CLCN4: variants seen among roughly 807,000 people sequenced by gnomAD.
CLCN4 encodes Cl-/H+ antiporter 4, also known as H(+)/Cl(-) exchange transporter 4.
CLCN4 carries 1 observed loss-of-function variant against 41.7 expected under a neutral mutation model. The ratio of observed to expected loss-of-function variants is 0.02; its 90% confidence interval spans 0.01 to 0.11. The LOEUF (loss-of-function observed/expected upper bound fraction) is 0.11. CLCN4 is among the 10% of genes least tolerant of loss of function. CLCN4 has a pLI of 1.00. For synonymous variants in CLCN4, 277 were observed against 285.8 expected (o/e 0.97, Z 0.31); for missense variants, 287 against 661.0 (o/e 0.43, Z 6.20).
rs140948798 is a variant in CLCN4 at position 10,198,984 on chromosome X, C to T, written c.555+923C>T. On this transcript the variant is annotated intron_variant, in intron 6 of 12. Coordinates refer to ENST00000380833, the MANE Select transcript of CLCN4 (RefSeq NM_001830.4). The stretch of plus-strand genomic sequence containing the variant: ...AGGACCCTGCAGCCCTGATGGTGGT[C>T]CAGGCAGTTTGCAGAAAGGGCTGAA... Among the ~76,000 whole-genome samples, 595 of 111,783 alleles carry T rather than the reference C, an allele frequency of 5.3e-3. 8 individuals are homozygous for T. The highest frequency in any genetic ancestry group is 0.018 in the African/African-American group (566 of 30,751).
At chrX:10,166,853 TGAGGCCATTG>T (rs2147158222) in intron 2 of CLCN4, among the ~76,000 whole-genome samples, 1 of 111,875 alleles carries the variant, frequency 8.9e-6, no homozygotes, top group Admixed American at 9.4e-5. Context: ...GTGAGAACAC[TGAGGCCATTG>T]TGTCACCCGA....
chrX:10,191,556 G>A (rs1253424818), intron 4 of CLCN4, among the ~76,000 whole-genome samples: 1 of 111,562 alleles, frequency 9.0e-6, no homozygotes, highest in Non-Finnish European at 1.9e-5. Flanking sequence ...ATATGCCTAG[G>A]AATAGAATTG....
chrX:10,164,112 A>G (rs1157954784), intron 2 of CLCN4, among the ~76,000 whole-genome samples: 2 of 112,021 alleles, frequency 1.8e-5, no homozygotes, highest in African/African-American at 6.5e-5. Context: ...ACAGCAAAGG[A>G]TGCACAGCAC....
In CLCN4 at chrX:10,213,952, C is replaced by T. The variant is rs1334245524; in HGVS notation, c.1848C>T (p.Ser616=). ...CACTGTCGGTGCTCACCCAGGACAG[C>T]ATGACTGTCGAGGACGTGGAGACGC... ...EPPLSVLTQD[S]MTVEDVETLI... The change falls in exon 11 of 13, where the codon AGC becomes AGT. Residue 616 remains serine (S), a synonymous_variant. Transcript: ENST00000380833. 1 of 1,212,105 alleles carries T rather than the reference C, an allele frequency of 8.3e-7. No individual in the cohort carries two copies.
Sources: allele counts gnomAD v4.1 joint callset (sites outside exome capture counted in the v4.1 genomes callset), GRCh38; gene constraint gnomAD v4.1.1; transcripts MANE v1.5; gene names NCBI Gene and HGNC (gene_info 2026-07-23, HGNC 2026-07-21).